RSRC1: variants seen among roughly 807,000 people sequenced by gnomAD.
RSRC1 encodes the protein serine/Arginine-related protein 53.
In RSRC1, 39 loss-of-function variants were observed where a neutral mutation model predicts 49.1. The ratio of observed to expected loss-of-function variants is 0.79; its 90% CI spans 0.61 to 1.04. The LOEUF is 1.04. RSRC1 is among the 50% of genes least tolerant of loss of function. RSRC1 has a pLI of 0.00. For synonymous variants in RSRC1, 143 were observed against 130.8 expected, an observed-to-expected ratio of 1.09 and a Z score of -0.63; for missense variants, 388 against 402.4, an observed-to-expected ratio of 0.96 and a Z score of 0.31.
chr3:158,426,682 A>G (rs1469502178), intron 6 of RSRC1, among the ~76,000 whole-genome samples: 1 of 151,806 alleles, frequency 6.6e-6, no homozygotes, highest in East Asian at 1.9e-4. Flanking sequence ...TCCAATGAAT[A>G]TAGTGAGATA....
intron 3 of RSRC1, among the ~76,000 whole-genome samples, chr3:158,144,818 A>G (rs1162301394): frequency 1.3e-5 from 2 of 152,098 alleles, no homozygotes; most frequent in Admixed American, 6.5e-5. Context: ...CTTTCTAATG[A>G]TCGCCATTCT....
chr3:158,454,849 G>A (rs1737230362), intron 6 of RSRC1, among the ~76,000 whole-genome samples: 1 of 152,046 alleles, frequency 6.6e-6, no homozygotes, highest in Non-Finnish European at 1.5e-5. Context: ...CATTGATTGT[G>A]TCAGTAGCAA....
At chr3:158,396,327 C>T (rs1331007057) in intron 6 of RSRC1, among the ~76,000 whole-genome samples, 1 of 151,678 alleles carries the variant, frequency 6.6e-6, no homozygotes, top group Admixed American at 6.6e-5. Context: ...GACACGTACC[C>T]CTGAACCTAA....
intron 6 of RSRC1, among the ~76,000 whole-genome samples, chr3:158,380,697 G>T (rs1391170894): frequency 2.0e-5 from 3 of 151,940 alleles, no homozygotes; most frequent in Non-Finnish European, 4.4e-5. Flanking sequence ...TGGGCAAGTT[G>T]TGGGAAAATA....
At chr3:158,167,113 T>C (rs1427199394) in intron 3 of RSRC1, among the ~76,000 whole-genome samples, 2 of 152,146 alleles carry the variant, frequency 1.3e-5, no homozygotes, top group Non-Finnish European at 1.5e-5. Context: ...AGGCTGTAAA[T>C]TGGATTTTAA....
At position 158,173,153 on chromosome 3, in the gene RSRC1, G is replaced by A. The variant is rs188813111; in HGVS notation, c.321-29919G>A. Among the ~76,000 whole-genome samples the A allele has an allele frequency of 1.3e-3, 199 of 151,796 alleles. 1 individual carries two copies. Among genetic ancestry groups the A allele is most frequent in the South Asian group, 8.7e-3 (42 of 4,806 alleles). On this transcript the variant is annotated intron_variant, in intron 3 of 9. Transcript: ENST00000611884. ...ATAGGCTTTATAGAGAATATAAGAC[G>A]AGTTTAACCTTGTTTATAATTATAT...
chr3:158,214,353 A>G (rs1205379408), intron 4 of RSRC1, among the ~76,000 whole-genome samples: 1 of 151,558 alleles, frequency 6.6e-6, no homozygotes, highest in Non-Finnish European at 1.5e-5. Context: ...TCATATCCTG[A>G]TTTTTTGAGT....
intron 6 of RSRC1, among the ~76,000 whole-genome samples, chr3:158,445,761 G>T (rs1032099520): frequency 6.6e-6 from 1 of 151,936 alleles, no homozygotes; most frequent in African/African-American, 2.4e-5. Context: ...ACAGGCCAAT[G>T]ATTATTAATA....
intron 4 of RSRC1, among the ~76,000 whole-genome samples, chr3:158,296,412 G>C (rs2108114658): frequency 6.6e-6 from 1 of 151,660 alleles, no homozygotes; most frequent in East Asian, 1.9e-4. Flanking sequence ...GTGATGGGAG[G>C]AAGACTTAAT....
chr3:158,239,471 A>T (rs1240667990), intron 4 of RSRC1, among the ~76,000 whole-genome samples: 2 of 152,012 alleles, frequency 1.3e-5, no homozygotes. Context: ...GTCCATCAGA[A>T]ATAGACTGGA....
intron 6 of RSRC1, among the ~76,000 whole-genome samples, chr3:158,385,097 CAT>C (rs1394841511): frequency 6.6e-6 from 1 of 152,056 alleles, no homozygotes; most frequent in Non-Finnish European, 1.5e-5. Flanking sequence ...TTCAAAATAA[CAT>C]AGAACACTCC....
At chr3:158,521,308 A>G (rs1412551100) in intron 7 of RSRC1, among the ~76,000 whole-genome samples, 1 of 152,068 alleles carries the variant, frequency 6.6e-6, no homozygotes, top group Non-Finnish European at 1.5e-5. Flanking sequence ...TACATGTTCT[A>G]TTTGTTGTCT....
intron 6 of RSRC1, among the ~76,000 whole-genome samples, chr3:158,362,948 T>G (rs1173242373): frequency 1.3e-5 from 2 of 152,250 alleles, no homozygotes; most frequent in African/African-American, 4.8e-5. Flanking sequence ...ACATGCACCT[T>G]TAAAATTATA....
At chr3:158,210,917 T>A (rs1444657988) in intron 4 of RSRC1, among the ~76,000 whole-genome samples, 1 of 152,036 alleles carries the variant, frequency 6.6e-6, no homozygotes, top group Non-Finnish European at 1.5e-5. Context: ...GATAACGTCT[T>A]AAATGGCATG....
chr3:158,355,020 C>G lies in RSRC1; in HGVS notation c.583+112C>G, dbSNP rs924961712. On this transcript the variant is annotated intron_variant, in intron 6 of 9. Coordinates refer to ENST00000611884, the MANE Select transcript of RSRC1 (RefSeq NM_001271838.2). ...AAAACACTATTTTTATATATCCTCA[C>G]AAATTTATCAGATCTAGATTATATG... The G allele has an allele frequency of 1.1e-4, 68 of 645,362 alleles. 1 individual carries two copies. The highest frequency in any genetic ancestry group is 5.5e-4 in the Middle Eastern group (2 of 3,650). 40.0% of individuals were successfully genotyped at this position (645,362 alleles called of 1,614,324 possible). A position where few individuals can be genotyped will look rare whatever the true frequency, so the allele number is the denominator to read the frequency against.
intron 6 of RSRC1, among the ~76,000 whole-genome samples, chr3:158,358,947 CACACAA>C (rs765254081): frequency 1.1e-4 from 16 of 152,002 alleles, no homozygotes; most frequent in Non-Finnish European, 1.9e-4. Flanking sequence ...CACACACACA[CACACAA>C]CTTATTAATC....
At chr3:158,327,640 C>G (rs1413291064) in intron 5 of RSRC1, among the ~76,000 whole-genome samples, 2 of 151,948 alleles carry the variant, frequency 1.3e-5, no homozygotes, top group South Asian at 4.2e-4. Context: ...CTGAGGAGTG[C>G]TTTACTTCCA....
At chr3:158,303,573 A>T (rs1727685011) in intron 5 of RSRC1, 1 of 152,180 alleles carries the variant, frequency 6.6e-6, no homozygotes, top group Non-Finnish European at 1.5e-5. Context: ...CTCCTAAGCA[A>T]GGTTAATGCT....
intron 3 of RSRC1, among the ~76,000 whole-genome samples, chr3:158,184,148 G>T (rs1719791780): frequency 6.6e-6 from 1 of 151,854 alleles, no homozygotes; most frequent in Admixed American, 6.6e-5. Context: ...TATAATTTTT[G>T]ATTTTTCAGT....
Sources: gnomAD v4.1 joint callset for allele counts (sites outside exome capture counted in the v4.1 genomes callset) on GRCh38, gnomAD v4.1.1 for gene constraint, MANE v1.5 for transcripts, NCBI Gene and HGNC (gene_info 2026-07-23, HGNC 2026-07-21) for gene names.